The following DPP10 variants were observed in gnomAD, a reference collection of about 807,000 sequenced individuals.
The protein encoded by DPP10 is dipeptidyl peptidase like 10.
Under a neutral mutation model 120.9 loss-of-function variants are expected in DPP10, and 33 were observed. The observed-to-expected ratio is 0.27, with a 90% confidence interval of 0.21 to 0.37. The LOEUF (loss-of-function observed/expected upper bound fraction) is 0.37, where lower values mean the gene tolerates loss of function less well. DPP10 is among the 10% of genes least tolerant of loss of function. DPP10 has a pLI of 1.00. For missense variants in DPP10, 816 were observed against 942.8 expected (o/e 0.87, Z 1.76); for synonymous variants, 337 against 326.1 (o/e 1.03, Z -0.36).
At chr2:115,549,438 T>C (rs1444119505) in intron 5 of DPP10, among the ~76,000 whole-genome samples, 1 of 152,096 alleles carries the variant, frequency 6.6e-6, no homozygotes, top group Non-Finnish European at 1.5e-5. Flanking sequence ...TCCTTCAATG[T>C]TTAGTCCAAA....
At position 115,028,473 on chromosome 2, in the gene DPP10, C is replaced by T. The variant is rs563206745; in HGVS notation, c.61-280766C>T. 5.9e-5 allele frequency among the ~76,000 whole-genome samples: 9 copies of T among 152,142 alleles called. No individual in the cohort carries two copies. The East Asian group carries it at 1.7e-3, about 29-fold the overall frequency. ...AAAGACACTTGTTCAGATTTATGCT[C>T]TTAAATGTTTTGAGTCTTGTTTTGA... On this transcript the variant is annotated intron_variant, in intron 1 of 25. Coordinates refer to ENST00000410059, the MANE Select transcript of DPP10 (RefSeq NM_020868.6).
chr2:115,625,948 A>AT (rs531415117), intron 5 of DPP10, among the ~76,000 whole-genome samples: 5 of 151,116 alleles, frequency 3.3e-5, no homozygotes, highest in South Asian at 2.1e-4. Flanking sequence ...AATGTATGAT[A>AT]TTTTTTCTCT....
chr2:114,846,122 A>G (rs113729189), intron 1 of DPP10, among the ~76,000 whole-genome samples: 50 of 152,248 alleles, frequency 3.3e-4, no homozygotes, highest in African/African-American at 1.1e-3. Flanking sequence ...AGCATAATTT[A>G]TCATAGGCAT....
intron 5 of DPP10, among the ~76,000 whole-genome samples, chr2:115,681,701 C>T (rs534565536): frequency 1.1e-3 from 27 of 24,588 alleles, no homozygotes; most frequent in Non-Finnish European, 2.2e-3. Flanking sequence ...TCCTTCCTGC[C>T]TTCCTACCTT....
intron 1 of DPP10, among the ~76,000 whole-genome samples, chr2:114,510,192 AT>A (rs1415517536): frequency 6.6e-6 from 1 of 152,212 alleles, no homozygotes; most frequent in African/African-American, 2.4e-5. Flanking sequence ...TAGTCATGCA[AT>A]TTGGATGTGA....
At chr2:115,483,704 G>A (rs900606196) in intron 3 of DPP10, among the ~76,000 whole-genome samples, 2 of 152,068 alleles carry the variant, frequency 1.3e-5, no homozygotes, top group African/African-American at 4.8e-5. Flanking sequence ...ACTGATTGAT[G>A]TTAAGTTGTA....
At chr2:115,724,698 G>A (rs147656276) in intron 7 of DPP10, among the ~76,000 whole-genome samples, 1 of 152,204 alleles carries the variant, frequency 6.6e-6, no homozygotes, top group Non-Finnish European at 1.5e-5. Flanking sequence ...TTCTTGCATT[G>A]CTATAGAGAA....
At chr2:114,469,353 T>C (rs1679703452) in intron 1 of DPP10, among the ~76,000 whole-genome samples, 1 of 152,238 alleles carries the variant, frequency 6.6e-6, no homozygotes, top group Admixed American at 6.5e-5. Context: ...AAAGTAATTA[T>C]CATTTTTTAT....
intron 1 of DPP10, among the ~76,000 whole-genome samples, chr2:115,104,485 T>C (rs1230612376): frequency 2.0e-5 from 3 of 152,188 alleles, no homozygotes; most frequent in Non-Finnish European, 1.5e-5. Flanking sequence ...TTCATTTATA[T>C]ATAGGCAGTA....
At chr2:115,187,480 T>C (rs1208321785) in intron 1 of DPP10, among the ~76,000 whole-genome samples, 1 of 152,156 alleles carries the variant, frequency 6.6e-6, no homozygotes, top group Non-Finnish European at 1.5e-5. Flanking sequence ...AGACATACAT[T>C]TGTGATTCAC....
intron 1 of DPP10, among the ~76,000 whole-genome samples, chr2:115,051,269 A>G (rs1210917168): frequency 1.3e-5 from 2 of 152,206 alleles, no homozygotes; most frequent in African/African-American, 4.8e-5. Context: ...TGAAGAAAAT[A>G]ATGATAACAA....
intron 1 of DPP10, among the ~76,000 whole-genome samples, chr2:114,719,514 A>G (rs1049852563): frequency 1.3e-5 from 2 of 152,204 alleles, no homozygotes; most frequent in African/African-American, 4.8e-5. Context: ...ATGCAGGTAG[A>G]TGCTTGATCC....
intron 2 of DPP10, among the ~76,000 whole-genome samples, chr2:115,333,606 T>G (rs1348800810): frequency 6.6e-6 from 1 of 152,162 alleles, no homozygotes; most frequent in Non-Finnish European, 1.5e-5. Context: ...GGAGCTCTTT[T>G]AGGGCAGGCC....
rs147017148 is a variant in DPP10 at position 115,066,038 on chromosome 2, C to G, written c.61-243201C>G. Among the ~76,000 whole-genome samples, 435 of 152,270 alleles carry G rather than the reference C, an allele frequency of 2.9e-3. 3 individuals carry two copies. Among genetic ancestry groups the G allele is most frequent in the African/African-American group, 9.9e-3 (411 of 41,556 alleles). ...AAATGGGACATTAATCAACAGCAAACTATTTGCATCTACCATTATTCTAAA... is the reference window on the plus strand; with the variant it reads ...AAATGGGACATTAATCAACAGCAAAGTATTTGCATCTACCATTATTCTAAA... On this transcript the variant is annotated intron_variant, in intron 1 of 25. Coordinates refer to ENST00000410059, the MANE Select transcript of DPP10 (RefSeq NM_020868.6).
intron 1 of DPP10, among the ~76,000 whole-genome samples, chr2:115,003,055 T>C (rs569096307): frequency 6.6e-6 from 1 of 151,778 alleles, no homozygotes; most frequent in African/African-American, 2.4e-5. Flanking sequence ...TAAAGGAACA[T>C]ACATCTGTAT....
intron 3 of DPP10, among the ~76,000 whole-genome samples, chr2:115,419,540 A>T (rs1302421175): frequency 1.3e-5 from 2 of 152,118 alleles, no homozygotes; most frequent in East Asian, 3.9e-4. Context: ...GCCATTCATG[A>T]CCCAAACACC....
intron 1 of DPP10, among the ~76,000 whole-genome samples, chr2:114,727,467 T>C (rs973812208): frequency 6.6e-6 from 1 of 152,198 alleles, no homozygotes. Flanking sequence ...CAGCAGGTTG[T>C]TTTTAAAGGA....
intron 1 of DPP10, among the ~76,000 whole-genome samples, chr2:115,288,494 G>C (rs1174669124): frequency 6.6e-6 from 1 of 151,992 alleles, no homozygotes; most frequent in Non-Finnish European, 1.5e-5. Context: ...AGCGTGGGTG[G>C]ATCACTTGAG....
chr2:115,746,044 A>G (rs140542044), intron 9 of DPP10, 42 bp from the exon 10 acceptor site: 59,229 of 1,391,334 alleles, frequency 0.043, 1,481 homozygotes, highest in Non-Finnish European at 0.05. Flanking sequence ...AATATATTCT[A>G]ATGCTTAATG....
Sources: allele counts gnomAD v4.1 joint callset (sites outside exome capture counted in the v4.1 genomes callset), GRCh38; gene constraint gnomAD v4.1.1; transcripts MANE v1.5; gene names NCBI Gene and HGNC (gene_info 2026-07-23, HGNC 2026-07-21).